The following STRN3 variants were observed in gnomAD, a reference collection of about 807,000 sequenced individuals.
STRN3 encodes the protein striatin 3.
A neutral mutation model predicts 95.6 loss-of-function variants in STRN3; 29 were observed. That is an observed-to-expected ratio of 0.30 (90% CI 0.23 to 0.41). The LOEUF (loss-of-function observed/expected upper bound fraction) is 0.41. Ranked by LOEUF, STRN3 falls within the 10% of genes least tolerant of loss-of-function variation. The pLI is 1.00. For missense variants in STRN3, 890 were observed against 972.1 expected (o/e 0.92, Z 1.12); for synonymous variants, 331 against 357.6 (o/e 0.93, Z 0.84).
At chr14:30,896,722 C>T (rs1274461562) in intron 16 of STRN3, among the ~76,000 whole-genome samples, 2 of 152,010 alleles carry the variant, frequency 1.3e-5, no homozygotes, top group Admixed American at 1.3e-4. Flanking sequence ...TTCACTTATC[C>T]TTTGAAATAT....
chr14:30,944,570 T>TAC (rs71112356), intron 5 of STRN3, among the ~76,000 whole-genome samples: 98 of 64,072 alleles, frequency 1.5e-3, no homozygotes, highest in Middle Eastern at 7.8e-3. Context: ...TATATATATA[T>TAC]ACACACACAG....
At chr14:30,988,701 T>A (rs1881810934) in intron 1 of STRN3, among the ~76,000 whole-genome samples, 1 of 152,250 alleles carries the variant, frequency 6.6e-6, no homozygotes, top group African/African-American at 2.4e-5. Context: ...CCTAACAGGC[T>A]ATTTTCAAGG....
At chr14:30,978,934 T>A (rs1881247218) in intron 1 of STRN3, among the ~76,000 whole-genome samples, 1 of 146,208 alleles carries the variant, frequency 6.8e-6, no homozygotes, top group Non-Finnish European at 1.5e-5. Flanking sequence ...CTCAGGAGGC[T>A]GAGGCAGGAG....
intron 8 of STRN3, among the ~76,000 whole-genome samples, chr14:30,926,525 C>A (rs1897032240): frequency 6.6e-6 from 1 of 151,656 alleles, no homozygotes; most frequent in Admixed American, 6.6e-5. Flanking sequence ...TCTTTATATT[C>A]CTACTTCTTA....
At chr14:31,015,909 C>T (rs564987460) in intron 1 of STRN3, among the ~76,000 whole-genome samples, 3 of 152,308 alleles carry the variant, frequency 2.0e-5, no homozygotes, top group African/African-American at 7.2e-5. Flanking sequence ...AGCAATCCTC[C>T]ATCTCACTCC....
rs755204458 is a variant in STRN3, at chr14:30,907,030, C to T, written c.1735G>A (p.Ala579Thr). The change falls in exon 14 of 18, where the codon GCT (alanine) becomes ACT (threonine). Residue 579 changes from alanine (A) to threonine (T), a missense_variant. Around this residue, in one of 3 missense-constraint regions of STRN3, gnomAD observed 357 missense variants for 422.8 expected, o/e 0.84. Transcript: ENST00000357479. ...PYDTYEPNVL[A>T]GTLVGHTDAV... Reference sequence around the variant, plus strand: ...TCTGTATGACCAACTAAAGTGCCAGCTAGAACATTTGGCTCTGGGGAAAAA... The same window carrying T: ...TCTGTATGACCAACTAAAGTGCCAGTTAGAACATTTGGCTCTGGGGAAAAA... 4 of 1,609,980 alleles carry T rather than the reference C, an allele frequency of 2.5e-6. No homozygotes were observed. The South Asian group carries it at 4.5e-5, about 18-fold the overall frequency.
At chr14:30,996,823 G>A (rs983179459) in intron 1 of STRN3, among the ~76,000 whole-genome samples, 1 of 142,602 alleles carries the variant, frequency 7.0e-6, no homozygotes, top group African/African-American at 2.6e-5. Flanking sequence ...CCGAGATCGT[G>A]CCACTGCACT....
At chr14:30,959,757 C>T (rs533739940) in intron 1 of STRN3, among the ~76,000 whole-genome samples, 23 of 151,792 alleles carry the variant, frequency 1.5e-4, no homozygotes, top group African/African-American at 5.1e-4. Context: ...CCAGGGACTT[C>T]GAGACCAGCC....
At chr14:30,944,063 A>G (rs1229425969) in intron 5 of STRN3, among the ~76,000 whole-genome samples, 1 of 152,058 alleles carries the variant, frequency 6.6e-6, no homozygotes, top group African/African-American at 2.4e-5. Flanking sequence ...AAACTATCAA[A>G]ATCTTAATTT....
In STRN3 at chr14:30,955,801, CTT is replaced by C. The variant is rs1009804286; in HGVS notation, c.387-110_387-109del. ...TAATATGAATGTCTGCTTCTTTAAA[CTT>C]TGTTTGCAAAGAACATTGAAGACTA... On this transcript the variant is annotated intron_variant, in intron 2 of 17. Coordinates refer to ENST00000357479, the MANE Select transcript of STRN3 (RefSeq NM_001083893.2). The C allele has an allele frequency of 8.3e-6, 8 of 966,994 alleles. No homozygotes were observed. The South Asian group carries it at 1.1e-4, about 14-fold the overall frequency. 59.9% of individuals were successfully genotyped at this position (966,994 alleles called of 1,614,324 possible).
intron 1 of STRN3, among the ~76,000 whole-genome samples, chr14:30,959,045 G>A (rs1880058038): frequency 6.6e-6 from 1 of 152,198 alleles, no homozygotes. Context: ...ATGTGGACTA[G>A]GGTGGGCATG....
chr14:30,929,967 A>AAAAAAAAAAAAAAAACAAAAAC (rs1555317336), intron 7 of STRN3, among the ~76,000 whole-genome samples: 3 of 91,118 alleles, frequency 3.3e-5, no homozygotes, highest in Admixed American at 1.4e-4. Flanking sequence ...AAAAAAAAAA[A>AAAAAAAAAAAAAAAACAAAAAC]AAAAAAAAAA....
rs190140617 is a variant in STRN3 at position 30,920,821 on chromosome 14, G to A, written c.1100-1715C>T. On this transcript the variant is annotated intron_variant, in intron 8 of 17. Coordinates refer to ENST00000357479, the MANE Select transcript of STRN3 (RefSeq NM_001083893.2). ...CTTCACTCAGAAACCACAAGTAGCA[G>A]CACTTCCACACTCTTTGGATCAAAG... Among the ~76,000 whole-genome samples the A allele has an allele frequency of 1.4e-4, 22 of 152,124 alleles. No individual in the cohort carries two copies. The East Asian group carries it at 3.7e-3, about 25-fold the overall frequency.
intron 14 of STRN3, among the ~76,000 whole-genome samples, chr14:30,906,212 G>A (rs1896457055): frequency 6.6e-6 from 1 of 151,964 alleles, no homozygotes; most frequent in Non-Finnish European, 1.5e-5. Context: ...TCTAAAGCTT[G>A]GATAACTGAA....
At chr14:30,935,694 T>C (rs554240771) in intron 6 of STRN3, among the ~76,000 whole-genome samples, 3 of 152,214 alleles carry the variant, frequency 2.0e-5, no homozygotes, top group Non-Finnish European at 4.4e-5. Context: ...GCATAGTAAC[T>C]AATTTAAATT....
At chr14:30,931,403 C>A (rs1256182867) in intron 7 of STRN3, among the ~76,000 whole-genome samples, 1 of 152,036 alleles carries the variant, frequency 6.6e-6, no homozygotes, top group Non-Finnish European at 1.5e-5. Flanking sequence ...AAAGAAAACA[C>A]AAATATGCGT....
Position 30,894,081 on chromosome 14 carries a change from A to T in STRN3, c.*1330T>A, listed in dbSNP as rs1896064104. 1 of 152,630 alleles carries T rather than the reference A, an allele frequency of 6.6e-6. No individual in the cohort carries two copies. Among genetic ancestry groups the T allele is most frequent in the Non-Finnish European group, 1.5e-5 (1 of 68,010 alleles). 9.5% of individuals were successfully genotyped at this position (152,630 alleles called of 1,614,324 possible). A position where few individuals can be genotyped will look rare whatever the true frequency, so the allele number is the denominator to read the frequency against. On this transcript the variant is annotated 3_prime_UTR_variant, in exon 18 of 18. Coordinates refer to ENST00000357479, the MANE Select transcript of STRN3 (RefSeq NM_001083893.2). ...ACTAGAAAAAATACTTTATTGTCTT[A>T]ATCATGCATTACACAAACAAAATCT...
rs1896508443 is a variant in STRN3, at chr14:30,907,915, C to T, written c.1721-871G>A. Reference sequence around the variant, plus strand: ...CCATGAATGGTTCTTATCATCTCCACAATTCTCACAGCTCCCAACCTCTCT... The same window carrying T: ...CCATGAATGGTTCTTATCATCTCCATAATTCTCACAGCTCCCAACCTCTCT... On this transcript the variant is annotated intron_variant, in intron 13 of 17. Transcript: ENST00000357479. Among the ~76,000 whole-genome samples the T allele has an allele frequency of 2.0e-5, 3 of 152,192 alleles. No individual in the cohort carries two copies. In the South Asian group the frequency reaches 6.2e-4, roughly 31 times the overall value.
Position 30,918,995 on chromosome 14 carries a change from G to A in STRN3, c.1211C>T (p.Thr404Ile), listed in dbSNP as rs764872481. 9.4e-6 allele frequency: 15 copies of A among 1,598,232 alleles called. No individual in the cohort carries two copies. The highest frequency in any genetic ancestry group is 6.0e-6 in the Non-Finnish European group (7 of 1,171,242). Residue 404 changes from threonine (T) to isoleucine (I), a missense_variant, in exon 9 of 18, where the codon ACT (threonine) becomes ATT (isoleucine). Around this residue, in one of 3 missense-constraint regions of STRN3, gnomAD observed 526 missense variants for 526.3 expected, o/e 1.00. Coordinates refer to ENST00000357479, the MANE Select transcript of STRN3 (RefSeq NM_001083893.2). Reference sequence around the variant, plus strand: ...CTCTGCTCTTGCACCTTCATGATCAGTCATTCTAGTAGAGGCTGACCTAGA... The same window carrying A: ...CTCTGCTCTTGCACCTTCATGATCAATCATTCTAGTAGAGGCTGACCTAGA... ...NQSRSASTRM[T>I]DHEGARAEEA...
Sources: allele counts gnomAD v4.1 joint callset (sites outside exome capture counted in the v4.1 genomes callset), GRCh38; gene constraint gnomAD v4.1.1; regional missense constraint gnomAD v4.1.1; transcripts MANE v1.5; gene names NCBI Gene and HGNC (gene_info 2026-07-23, HGNC 2026-07-21).